CCDC83: variants seen among roughly 807,000 people sequenced by gnomAD.
CCDC83 encodes coiled-coil domain-containing protein 83.
CCDC83 carries 54 observed loss-of-function variants against 50.1 expected under a neutral mutation model. The ratio of observed to expected loss-of-function variants is 1.08; its 90% confidence interval spans 0.87 to 1.35. CCDC83 has a LOEUF of 1.35. CCDC83 is among the 40% of genes most tolerant of loss of function. The probability of loss-of-function intolerance (pLI) is 0.00; values close to 1 mark genes in which losing one functional copy is unlikely to be tolerated. For missense variants in CCDC83, 518 were observed against 473.9 expected, an observed-to-expected ratio of 1.09 and a Z score of -0.86; for synonymous variants, 161 against 153.3, an observed-to-expected ratio of 1.05 and a Z score of -0.37.
chr11:85,900,378 C>T (rs887774111), intron 7 of CCDC83, among the ~76,000 whole-genome samples: 2 of 152,202 alleles, frequency 1.3e-5, no homozygotes, highest in African/African-American at 4.8e-5. Flanking sequence ...TTAGATGTTT[C>T]TGTGCCCCAC....
chr11:85,887,175 C>T (rs1295288638), intron 5 of CCDC83, among the ~76,000 whole-genome samples: 1 of 152,048 alleles, frequency 6.6e-6, no homozygotes, highest in Admixed American at 6.6e-5. Flanking sequence ...AGTAGGATGC[C>T]GTCAGGAGCA....
At chr11:85,906,748 T>C (rs1221454036) in intron 7 of CCDC83, among the ~76,000 whole-genome samples, 1 of 152,052 alleles carries the variant, frequency 6.6e-6, no homozygotes, top group Admixed American at 6.6e-5. Flanking sequence ...AGCCAGGCAT[T>C]GTGGCACACA....
intron 7 of CCDC83, among the ~76,000 whole-genome samples, chr11:85,910,528 C>T (rs1418129687): frequency 6.6e-6 from 1 of 152,182 alleles, no homozygotes; most frequent in Non-Finnish European, 1.5e-5. Context: ...ATAGCATTTT[C>T]CCAGTGTTAT....
intron 2 of CCDC83, among the ~76,000 whole-genome samples, chr11:85,866,854 T>C (rs1245367703): frequency 2.0e-5 from 3 of 152,032 alleles, no homozygotes; most frequent in African/African-American, 7.2e-5. Context: ...GTGAAGAGCA[T>C]GACTTATGGA....
intron 3 of CCDC83, among the ~76,000 whole-genome samples, chr11:85,874,544 A>T (rs72951351): frequency 7.9e-5 from 12 of 152,352 alleles, no homozygotes; most frequent in Non-Finnish European, 1.5e-4. Context: ...ACAGATTCTA[A>T]CTACAACTCT....
intron 1 of CCDC83, among the ~76,000 whole-genome samples, chr11:85,856,765 A>T (rs2093143835): frequency 1.3e-5 from 2 of 152,184 alleles, no homozygotes; most frequent in South Asian, 4.1e-4. Flanking sequence ...AACCGGGCAA[A>T]TTTTACATTT....
Position 85,919,581 on chromosome 11 carries a change from C to T in CCDC83, c.*71C>T, listed in dbSNP as rs1331503626. ...TTTGGGAACTGAAGTATATCCGTTGCCCATTTTACTTACACTTTGGCTCAT... is the reference window on the plus strand; with the variant it reads ...TTTGGGAACTGAAGTATATCCGTTGTCCATTTTACTTACACTTTGGCTCAT... On this transcript the variant is annotated 3_prime_UTR_variant, in exon 11 of 11. Transcript: ENST00000342404. 3 of 1,130,370 alleles carry T rather than the reference C, an allele frequency of 2.7e-6. No homozygotes were observed. The highest frequency in any genetic ancestry group is 1.6e-5 in the African/African-American group (1 of 62,636). 70.0% of individuals were successfully genotyped at this position (1,130,370 alleles called of 1,614,324 possible). A position where few individuals can be genotyped will look rare whatever the true frequency, so the allele number is the denominator to read the frequency against.
At chr11:85,899,761 T>C (rs924475138) in intron 7 of CCDC83, among the ~76,000 whole-genome samples, 6 of 152,194 alleles carry the variant, frequency 3.9e-5, no homozygotes, top group Admixed American at 6.5e-5. Flanking sequence ...TTATTAGTTA[T>C]TGAATGACTG....
chr11:85,900,590 A>T (rs1419805465), intron 7 of CCDC83, among the ~76,000 whole-genome samples: 1 of 152,180 alleles, frequency 6.6e-6, no homozygotes, highest in Non-Finnish European at 1.5e-5. Context: ...CACTCCCCAG[A>T]CTTTTCTTAA....
At chr11:85,888,385 A>G (rs1033100960) in intron 5 of CCDC83, among the ~76,000 whole-genome samples, 1 of 152,208 alleles carries the variant, frequency 6.6e-6, no homozygotes, top group Non-Finnish European at 1.5e-5. Flanking sequence ...CATTTCTTTT[A>G]TTAAAAGTGA....
intron 2 of CCDC83, among the ~76,000 whole-genome samples, chr11:85,867,574 T>C (rs536688489): frequency 5.4e-4 from 82 of 152,328 alleles, no homozygotes; most frequent in African/African-American, 1.9e-3. Context: ...CTAGATACTA[T>C]TCATACTCAT....
chr11:85,858,577 C>T (rs1055161982), intron 1 of CCDC83, among the ~76,000 whole-genome samples: 1 of 152,186 alleles, frequency 6.6e-6, no homozygotes, highest in Non-Finnish European at 1.5e-5. Flanking sequence ...TTGAGAGGCC[C>T]CTCCTCAAGC....
At chr11:85,875,837 C>T (rs2135012601) in intron 3 of CCDC83, among the ~76,000 whole-genome samples, 1 of 152,162 alleles carries the variant, frequency 6.6e-6, no homozygotes, top group Non-Finnish European at 1.5e-5. Flanking sequence ...GGATTATCAC[C>T]CCATTTATTA....
At chr11:85,868,703 G>T (rs766506290) in intron 2 of CCDC83, among the ~76,000 whole-genome samples, 1 of 152,108 alleles carries the variant, frequency 6.6e-6, no homozygotes, top group African/African-American at 2.4e-5. Flanking sequence ...ATAGAGACAG[G>T]GTCTCCCTAT....
chr11:85,886,659 GC>G (rs751942073), intron 5 of CCDC83, among the ~76,000 whole-genome samples: 1 of 152,218 alleles, frequency 6.6e-6, no homozygotes, highest in African/African-American at 2.4e-5. Flanking sequence ...GGTGGCTCAT[GC>G]CTGTAATCTC....
chr11:85,860,826 C>T (rs1592132387), intron 1 of CCDC83, among the ~76,000 whole-genome samples: 1 of 152,196 alleles, frequency 6.6e-6, no homozygotes, highest in East Asian at 1.9e-4. Flanking sequence ...AAATCGTGTC[C>T]TTTGTAGCAA....
chr11:85,885,882 T>C (rs1193313558), intron 4 of CCDC83, among the ~76,000 whole-genome samples: 3 of 152,214 alleles, frequency 2.0e-5, no homozygotes, highest in Non-Finnish European at 4.4e-5. Flanking sequence ...TGATACACTG[T>C]ACAAAATAGG....
chr11:85,913,055 A>G (rs1489453395), intron 8 of CCDC83, among the ~76,000 whole-genome samples: 1 of 152,228 alleles, frequency 6.6e-6, no homozygotes, highest in Non-Finnish European at 1.5e-5. Flanking sequence ...GCTCTTCCCT[A>G]TAAAAATCTT....
chr11:85,891,259 T>G (rs2093349309), intron 5 of CCDC83, among the ~76,000 whole-genome samples: 2 of 152,166 alleles, frequency 1.3e-5, no homozygotes, highest in African/African-American at 4.8e-5. Flanking sequence ...CCATACCACC[T>G]CATGGGTCAC....
Sources: gnomAD v4.1 joint callset for allele counts (sites outside exome capture counted in the v4.1 genomes callset) on GRCh38, gnomAD v4.1.1 for gene constraint, MANE v1.5 for transcripts, NCBI Gene and HGNC (gene_info 2026-07-23, HGNC 2026-07-21) for gene names.